DMXL1: variants seen among roughly 807,000 people sequenced by gnomAD.
DMXL1 encodes Dmx like 1.
DMXL1 carries 99 observed loss-of-function variants against 319.2 expected under a neutral mutation model. The observed-to-expected ratio is 0.31, with a 90% CI of 0.26 to 0.37. The LOEUF (loss-of-function observed/expected upper bound fraction) is 0.37, where lower values mean the gene tolerates loss of function less well. Among genes scored for constraint, DMXL1 ranks in the 10% least tolerant of loss-of-function variants. The probability of loss-of-function intolerance (pLI) is 1.00; values close to 1 mark genes in which losing one functional copy is unlikely to be tolerated. For missense variants in DMXL1, 3,745 were observed against 3,595.6 expected, an observed-to-expected ratio of 1.04 and a Z score of -1.06; for synonymous variants, 1,385 against 1,235.2, an observed-to-expected ratio of 1.12 and a Z score of -2.54.
Position 119,177,496 on chromosome 5 carries a change from A to C in DMXL1, c.6886+12A>C. The C allele has an allele frequency of 6.3e-7, 1 of 1,589,018 alleles. No homozygotes were observed. Among genetic ancestry groups the C allele is most frequent in the African/African-American group, 1.4e-5 (1 of 73,634 alleles). On this transcript the variant is annotated intron_variant, in intron 27 of 43. Coordinates refer to ENST00000539542, the MANE Select transcript of DMXL1 (RefSeq NM_001290321.3). ...AGCTCAATGGCCAGGTATAATTTTTATGTATAGATCAGTTTTTTCTTAGTC... is the reference window on the plus strand; with the variant it reads ...AGCTCAATGGCCAGGTATAATTTTTCTGTATAGATCAGTTTTTTCTTAGTC...
rs183162807 is a variant in DMXL1, at chr5:119,071,167, G to C, written c.-403G>C. 601 of 230,150 alleles carry C rather than the reference G, an allele frequency of 2.6e-3. 3 individuals are homozygous for C. The highest frequency in any genetic ancestry group is 7.0e-3 in the Admixed American group (116 of 16,504). The allele number at this position is 230,150 out of a possible 1,614,324, so 14.3% of individuals were successfully genotyped here. ...AAGGGACAGGTCAGGCGGGGAGTGC[G>C]AGCGCGTACTGCTTGCGCCACTCGG... is the stretch of plus-strand genomic sequence containing the variant. On this transcript the variant is annotated 5_prime_UTR_variant, in exon 1 of 44. Transcript: ENST00000539542.
intron 7 of DMXL1, among the ~76,000 whole-genome samples, chr5:119,117,155 A>G (rs1013522983): frequency 6.6e-6 from 1 of 152,186 alleles, no homozygotes; most frequent in African/African-American, 2.4e-5. Flanking sequence ...CAGCGTCTCA[A>G]ATAGCGGGGA....
At chr5:119,186,933 G>A (rs924917108) in intron 28 of DMXL1, among the ~76,000 whole-genome samples, 43 of 152,084 alleles carry the variant, frequency 2.8e-4, no homozygotes, top group African/African-American at 9.6e-4. Context: ...CGTGGGGTGG[G>A]GGGATGGGGG....
intron 27 of DMXL1, 74 bp downstream of exon 27, chr5:119,177,558 T>C: frequency 7.8e-7 from 1 of 1,276,922 alleles, no homozygotes; most frequent in Non-Finnish European, 1.1e-6. Flanking sequence ...AGACTTTTAG[T>C]TTTGCCACAT....
At chr5:119,114,258 T>C (rs1484136233) in intron 5 of DMXL1, among the ~76,000 whole-genome samples, 2 of 152,236 alleles carry the variant, frequency 1.3e-5, no homozygotes, top group African/African-American at 4.8e-5. Context: ...TTAAAGATTT[T>C]GACAAGCCAT....
At chr5:119,242,016 A>G (rs1250515813) in intron 42 of DMXL1, among the ~76,000 whole-genome samples, 3 of 152,112 alleles carry the variant, frequency 2.0e-5, no homozygotes, top group African/African-American at 7.2e-5. Context: ...ACCACTTACA[A>G]TCTGTATTTG....
At position 119,216,630 on chromosome 5, in the gene DMXL1, A is replaced by G. The variant is rs115478434; in HGVS notation, c.7927-271A>G. Among the ~76,000 whole-genome samples the G allele has an allele frequency of 7.1e-3, 1,081 of 152,306 alleles. 12 individuals carry two copies. The highest frequency in any genetic ancestry group is 9.5e-3 in the Non-Finnish European group (646 of 68,018). On this transcript the variant is annotated intron_variant, in intron 34 of 43. Transcript: ENST00000539542. ...AGAATGTGTTGATCCTTTAAAGTTA[A>G]TTAACTGTATCTCGGGAGGATAGCC...
chr5:119,238,486 C>T (rs983273882), intron 40 of DMXL1, among the ~76,000 whole-genome samples: 18 of 151,850 alleles, frequency 1.2e-4, no homozygotes, highest in African/African-American at 3.9e-4. Flanking sequence ...TTTTCATGTA[C>T]TTGAATTTTT....
chr5:119,216,886 T>C lies in DMXL1; in HGVS notation c.7927-15T>C. The C allele has an allele frequency of 6.6e-7, 1 of 1,505,086 alleles. No homozygotes were observed. Among genetic ancestry groups the C allele is most frequent in the Non-Finnish European group, 9.2e-7 (1 of 1,089,256 alleles). The allele number at this position is 1,505,086 out of a possible 1,614,324, so 93.2% of individuals were successfully genotyped here. On this transcript the variant is annotated splice_polypyrimidine_tract_variant and intron_variant, in intron 34 of 43. Transcript: ENST00000539542. ...AAAATCAGTGCATTTTTGTGTTTTG[T>C]TTCCTTTTATTTAGATAGAAGCAGA...
chr5:119,232,241 T>C (rs1786887271), intron 38 of DMXL1, among the ~76,000 whole-genome samples: 2 of 152,172 alleles, frequency 1.3e-5, no homozygotes, highest in Admixed American at 1.3e-4. Context: ...TGCAAGCGCA[T>C]TGGGGGAAAG....
intron 40 of DMXL1, among the ~76,000 whole-genome samples, chr5:119,238,003 TAATTGCTAG>T: frequency 6.6e-6 from 1 of 152,216 alleles, no homozygotes. Flanking sequence ...TGCCCAAGGT[TAATTGCTAG>T]AATACAGTAC....
At chr5:119,241,970 C>T (rs920624790) in intron 42 of DMXL1, among the ~76,000 whole-genome samples, 2 of 152,124 alleles carry the variant, frequency 1.3e-5, no homozygotes, top group African/African-American at 4.8e-5. Flanking sequence ...TGATTTCATA[C>T]TGTATTTTTG....
intron 9 of DMXL1, among the ~76,000 whole-genome samples, chr5:119,126,553 G>A (rs1250424579): frequency 2.6e-5 from 4 of 152,174 alleles, no homozygotes; most frequent in African/African-American, 9.7e-5. Context: ...ACTTAGAGCT[G>A]TTACTTTCTA....
At chr5:119,083,696 A>C (rs1374805515) in intron 1 of DMXL1, among the ~76,000 whole-genome samples, 1 of 151,910 alleles carries the variant, frequency 6.6e-6, no homozygotes, top group African/African-American at 2.4e-5. Context: ...GTGTGCCACC[A>C]CGCCTGGCTA....
chr5:119,128,534 A>T (rs928719139), intron 9 of DMXL1: 2 of 158,002 alleles, frequency 1.3e-5, no homozygotes. Flanking sequence ...TAAATGAAAT[A>T]TTATAAATTT....
At chr5:119,161,377 C>T (rs1461700372) in intron 19 of DMXL1, among the ~76,000 whole-genome samples, 1 of 152,220 alleles carries the variant, frequency 6.6e-6, no homozygotes, top group Non-Finnish European at 1.5e-5. Flanking sequence ...GCAGTATTAT[C>T]GTTTGGGTTC....
Position 119,206,745 on chromosome 5 carries a change from T to TA in DMXL1, c.7864-85dup, listed in dbSNP as rs1452234583. 3.9e-6 allele frequency: 3 copies of TA among 772,450 alleles called. 1 individual carries two copies. The highest frequency in any genetic ancestry group is 6.0e-6 in the Non-Finnish European group (3 of 501,550). 47.8% of individuals were successfully genotyped at this position (772,450 alleles called of 1,614,324 possible). ...ATGTTCTTTTCTAGTAAATTTGGTT[T>TA]AAAATATAGCATTGAAACAATCCCC... On this transcript the variant is annotated intron_variant, in intron 33 of 43. Coordinates refer to ENST00000539542, the MANE Select transcript of DMXL1 (RefSeq NM_001290321.3).
intron 13 of DMXL1, among the ~76,000 whole-genome samples, chr5:119,136,725 C>G (rs1358256129): frequency 1.3e-5 from 2 of 152,248 alleles, no homozygotes; most frequent in Non-Finnish European, 2.9e-5. Flanking sequence ...AGTGCAAGCC[C>G]CAAGCCTTGG....
chr5:119,187,077 A>T (rs879509830), intron 28 of DMXL1, among the ~76,000 whole-genome samples: 27 of 115,820 alleles, frequency 2.3e-4, no homozygotes, highest in East Asian at 1.6e-3. Context: ...AGTATAATTT[A>T]AAAAAAAAAA....
Sources: allele counts gnomAD v4.1 joint callset (sites outside exome capture counted in the v4.1 genomes callset), GRCh38; gene constraint gnomAD v4.1.1; transcripts MANE v1.5; gene names NCBI Gene and HGNC (gene_info 2026-07-23, HGNC 2026-07-21).